Variants in TTC28 observed in about 807,000 individuals in gnomAD.
TTC28 encodes tetratricopeptide repeat protein 28.
A neutral mutation model predicts 198.0 loss-of-function variants in TTC28; 61 were observed. The ratio of observed to expected loss-of-function variants is 0.31; its 90% CI spans 0.25 to 0.38. The LOEUF is 0.38. TTC28 is among the 10% of genes least tolerant of loss of function. The pLI, the probability that TTC28 is intolerant of heterozygous loss-of-function variation, is 1.00. For synonymous variants in TTC28, 1,171 were observed against 1,297.8 expected, an observed-to-expected ratio of 0.90 and a Z score of 2.10; for missense variants, 2,678 against 3,164.0, an observed-to-expected ratio of 0.85 and a Z score of 3.69.
chr22:28,661,978 C>G (rs2051756663), intron 1 of TTC28, among the ~76,000 whole-genome samples: 1 of 152,160 alleles, frequency 6.6e-6, no homozygotes, highest in African/African-American at 2.4e-5. Flanking sequence ...TGACCTCAAG[C>G]AATCCTCCTA....
At chr22:28,363,625 ACACT>A (rs1341922007) in intron 2 of TTC28, among the ~76,000 whole-genome samples, 1 of 152,216 alleles carries the variant, frequency 6.6e-6, no homozygotes, top group Non-Finnish European at 1.5e-5. Flanking sequence ...AAAGCCACAG[ACACT>A]CAATGCCAGC....
intron 15 of TTC28, chr22:28,001,043 G>A (rs1292858833): frequency 1.3e-5 from 3 of 223,708 alleles, no homozygotes; most frequent in Admixed American, 9.6e-5. Flanking sequence ...GATGGTGGGT[G>A]ACCAGCCCCC....
intron 2 of TTC28, among the ~76,000 whole-genome samples, chr22:28,576,296 T>C (rs2050149323): frequency 6.6e-6 from 1 of 152,146 alleles, no homozygotes; most frequent in Non-Finnish European, 1.5e-5. Flanking sequence ...TTGATTCATT[T>C]GCATATGTTA....
At chr22:28,091,744 G>C (rs1484369602) in intron 12 of TTC28, among the ~76,000 whole-genome samples, 1 of 152,064 alleles carries the variant, frequency 6.6e-6, no homozygotes, top group Non-Finnish European at 1.5e-5. Context: ...TAGAGATTAC[G>C]GATCCTGATG....
chr22:28,028,615 A>T (rs1264217685), intron 13 of TTC28, among the ~76,000 whole-genome samples: 1 of 152,228 alleles, frequency 6.6e-6, no homozygotes, highest in Admixed American at 6.5e-5. Context: ...GACTTGAGGT[A>T]GGAAGGGAAG....
At chr22:28,318,269 G>A (rs962426587) in intron 2 of TTC28, among the ~76,000 whole-genome samples, 4 of 152,060 alleles carry the variant, frequency 2.6e-5, no homozygotes, top group South Asian at 2.1e-4. Context: ...GATTGTGAGA[G>A]AATGTTAAGA....
chr22:28,538,708 C>G (rs142700952), intron 2 of TTC28, among the ~76,000 whole-genome samples: 1 of 151,778 alleles, frequency 6.6e-6, no homozygotes, highest in Non-Finnish European at 1.5e-5. Context: ...TACAGGCGTG[C>G]GCCACCACGT....
chr22:28,661,941 A>C (rs2051755596), intron 1 of TTC28, among the ~76,000 whole-genome samples: 1 of 150,154 alleles, frequency 6.7e-6, no homozygotes, highest in Non-Finnish European at 1.5e-5. Flanking sequence ...GTCTCACACT[A>C]TGTCACCCAG....
intron 2 of TTC28, among the ~76,000 whole-genome samples, chr22:28,396,356 A>G (rs1476348864): frequency 1.3e-5 from 2 of 152,202 alleles, no homozygotes; most frequent in Non-Finnish European, 2.9e-5. Context: ...AGTAAAAGCA[A>G]TCTGTCCACT....
At chr22:28,216,549 A>AT (rs1927418529) in intron 5 of TTC28, among the ~76,000 whole-genome samples, 1 of 152,146 alleles carries the variant, frequency 6.6e-6, no homozygotes, top group Non-Finnish European at 1.5e-5. Context: ...AGTGAACTGA[A>AT]TTTACATGAC....
intron 5 of TTC28, among the ~76,000 whole-genome samples, chr22:28,231,363 GTTT>G (rs1326811445): frequency 6.6e-6 from 1 of 152,186 alleles, no homozygotes; most frequent in Non-Finnish European, 1.5e-5. Context: ...AGGTTTGTTT[GTTT>G]TTTGTTTTGT....
At chr22:28,258,284 G>T (rs1931096154) in intron 5 of TTC28, among the ~76,000 whole-genome samples, 1 of 152,036 alleles carries the variant, frequency 6.6e-6, no homozygotes, top group South Asian at 2.1e-4. Flanking sequence ...TACATTTTCA[G>T]GATTTACATG....
intron 2 of TTC28, among the ~76,000 whole-genome samples, chr22:28,415,602 G>A (rs1303094998): frequency 6.6e-6 from 1 of 152,176 alleles, no homozygotes; most frequent in African/African-American, 2.4e-5. Context: ...TATCCCTTGA[G>A]ATGTACACAA....
intron 2 of TTC28, among the ~76,000 whole-genome samples, chr22:28,467,593 A>G (rs1371963620): frequency 2.0e-5 from 3 of 152,146 alleles, no homozygotes; most frequent in Non-Finnish European, 1.5e-5. Flanking sequence ...ATTTTCTTCT[A>G]TCTCAAGTGC....
intron 2 of TTC28, among the ~76,000 whole-genome samples, chr22:28,609,831 C>T (rs939323104): frequency 1.3e-5 from 2 of 152,206 alleles, no homozygotes; most frequent in African/African-American, 4.8e-5. Context: ...AAGTTAAAAT[C>T]TACTGACTTG....
chr22:28,675,312 A>G (rs1165907280), intron 1 of TTC28, among the ~76,000 whole-genome samples: 1 of 152,218 alleles, frequency 6.6e-6, no homozygotes, highest in East Asian at 1.9e-4. Context: ...AAGAAAACAT[A>G]GGGGTAAATC....
intron 2 of TTC28, among the ~76,000 whole-genome samples, chr22:28,372,658 G>A (rs541336293): frequency 5.3e-5 from 8 of 152,116 alleles, no homozygotes; most frequent in African/African-American, 1.9e-4. Flanking sequence ...GCCAGGCCAG[G>A]GACTCGTAGA....
At chr22:28,198,915 A>G (rs896590461) in intron 5 of TTC28, among the ~76,000 whole-genome samples, 3 of 152,152 alleles carry the variant, frequency 2.0e-5, no homozygotes, top group African/African-American at 4.8e-5. Flanking sequence ...ACAGGCCACA[A>G]GTACCTGCAA....
chr22:28,206,849 A>G (rs1025680274), intron 5 of TTC28, among the ~76,000 whole-genome samples: 1 of 152,170 alleles, frequency 6.6e-6, no homozygotes, highest in African/African-American at 2.4e-5. Flanking sequence ...ATTCAAAAGT[A>G]ATTTAAGTGC....
Sources: gnomAD v4.1 joint callset for allele counts (sites outside exome capture counted in the v4.1 genomes callset) on GRCh38, gnomAD v4.1.1 for gene constraint, MANE v1.5 for transcripts, NCBI Gene and HGNC (gene_info 2026-07-23, HGNC 2026-07-21) for gene names.